Variants in VTI1B observed in about 807,000 individuals in gnomAD.
The protein encoded by VTI1B is vesicle transport through interaction with t-SNAREs 1B, also known as vesicle transport through interaction with t-SNAREs homolog 1B.
A neutral mutation model predicts 28.6 loss-of-function variants in VTI1B; 18 were observed. That is an observed-to-expected ratio of 0.63 (90% CI 0.43 to 0.93). The LOEUF (loss-of-function observed/expected upper bound fraction) is 0.93, where lower values mean the gene tolerates loss of function less well. Among genes scored for constraint, VTI1B ranks in the 40% least tolerant of loss-of-function variants. The pLI is 0.00. For synonymous variants in VTI1B, 100 were observed against 107.9 expected (o/e 0.93, Z 0.46); for missense variants, 283 against 297.0 (o/e 0.95, Z 0.35).
intron 3 of VTI1B, chr14:67,657,308 GC>G (rs2037271065): frequency 1.3e-5 from 2 of 152,138 alleles, no homozygotes; most frequent in African/African-American, 2.4e-5. Flanking sequence ...CTCTTGGTGA[GC>G]CCCAGAAAGA....
In VTI1B at chr14:67,650,895, A is replaced by G. The variant is rs959383754; in HGVS notation, c.*490T>C. On this transcript the variant is annotated 3_prime_UTR_variant, in exon 6 of 6. Transcript: ENST00000554659. Reference sequence around the variant, plus strand: ...ACTCCCAGTTCACCAGATGAATCAGAAAATCAAGCACGTGTGAGAATTTAG... The same window carrying G: ...ACTCCCAGTTCACCAGATGAATCAGGAAATCAAGCACGTGTGAGAATTTAG... 1.2e-6 allele frequency: 2 copies of G among 1,613,996 alleles called. No individual in the cohort carries two copies. The highest frequency in any genetic ancestry group is 1.7e-6 in the Non-Finnish European group (2 of 1,179,988).
At chr14:67,665,480 G>A (rs1250377019) in intron 1 of VTI1B, among the ~76,000 whole-genome samples, 1 of 151,832 alleles carries the variant, frequency 6.6e-6, no homozygotes, top group Non-Finnish European at 1.5e-5. Context: ...TGTTGCCTAA[G>A]CTGGTCTTGA....
In VTI1B at chr14:67,650,499, A is replaced by G. The variant is rs2037158504; in HGVS notation, c.*886T>C. 1.7e-6 allele frequency: 1 copy of G among 575,374 alleles called. No individual in the cohort carries two copies. The highest frequency in any genetic ancestry group is 1.9e-5 in the African/African-American group (1 of 53,474). The allele number at this position is 575,374 out of a possible 1,614,324, so 35.6% of individuals were successfully genotyped here. ...AGGGATGGTTTATTTCATTATCTTA[A>G]AAGGTTTCTTTTAATCTACTATAGC... On this transcript the variant is annotated 3_prime_UTR_variant, in exon 6 of 6. Transcript: ENST00000554659.
intron 2 of VTI1B, among the ~76,000 whole-genome samples, chr14:67,661,732 C>A (rs1380250737): frequency 6.6e-6 from 1 of 151,872 alleles, no homozygotes; most frequent in South Asian, 2.1e-4. Flanking sequence ...GGGGGTCTCC[C>A]TATGTCGCCC....
intron 1 of VTI1B, among the ~76,000 whole-genome samples, chr14:67,667,364 C>T (rs1047946284): frequency 6.6e-6 from 1 of 152,122 alleles, no homozygotes; most frequent in Non-Finnish European, 1.5e-5. Flanking sequence ...GGAGGACTTA[C>T]ACCCTTTATT....
intron 1 of VTI1B, among the ~76,000 whole-genome samples, chr14:67,668,220 T>A (rs2037425083): frequency 6.6e-6 from 1 of 152,212 alleles, no homozygotes; most frequent in South Asian, 2.1e-4. Context: ...CCACAGGCAT[T>A]TAACATTGAT....
At position 67,650,838 on chromosome 14, in the gene VTI1B, AAGG is replaced by A. The variant is rs1241041022; in HGVS notation, c.*544_*546del. The A allele has an allele frequency of 6.2e-7, 1 of 1,614,126 alleles. No homozygotes were observed. The highest frequency in any genetic ancestry group is 1.1e-5 in the South Asian group (1 of 91,086). On this transcript the variant is annotated 3_prime_UTR_variant, in exon 6 of 6. Transcript: ENST00000554659. ...GCTTCAAGCTTTGGTCAGACAAGAG[AAGG>A]AGGGCATATTGTCTATGACCAACTT...
intron 1 of VTI1B, among the ~76,000 whole-genome samples, chr14:67,671,760 C>G (rs1269335665): frequency 6.6e-6 from 1 of 152,094 alleles, no homozygotes; most frequent in Admixed American, 6.5e-5. Context: ...CTTTCAAGGG[C>G]CTTCTTGCTA....
At chr14:67,663,247 T>C in intron 1 of VTI1B, 2 of 1,218,678 alleles carry the variant, frequency 1.6e-6, no homozygotes, top group Non-Finnish European at 2.3e-6. Flanking sequence ...ACTAAAACAG[T>C]ATTGTCTTAA....
chr14:67,656,345 G>A (rs921149378), intron 4 of VTI1B, 71 bp downstream of exon 4: 69 of 1,424,268 alleles, frequency 4.8e-5, no homozygotes, highest in Non-Finnish European at 6.3e-5. Context: ...TTTGGCCTTA[G>A]TACGGTTTCC....
chr14:67,672,385 C>T (rs1202775593), intron 1 of VTI1B, among the ~76,000 whole-genome samples: 2 of 151,726 alleles, frequency 1.3e-5, no homozygotes, highest in African/African-American at 2.4e-5. Flanking sequence ...TCCCCAAGTG[C>T]TGGGATTACA....
chr14:67,662,920 A>C (rs1007990327), intron 1 of VTI1B: 14 of 1,273,284 alleles, frequency 1.1e-5, no homozygotes, highest in Non-Finnish European at 5.9e-6. Flanking sequence ...AAAAAAAAAA[A>C]AGAATGTTTA....
intron 4 of VTI1B, 24 bp downstream of exon 4, chr14:67,656,392 C>T: frequency 6.4e-7 from 1 of 1,562,212 alleles, no homozygotes; most frequent in Non-Finnish European, 8.7e-7. Flanking sequence ...ATACTTGCCC[C>T]TTTCCCTGTC....
In VTI1B at chr14:67,649,926, G is replaced by GC. The variant is rs1377659414; in HGVS notation, c.*1458dup. ...AGAAGTGAGGCATTTAGAGGGGTGA[G>GC]CATAGTAGCAGGTCTGGATAGGTTC... On this transcript the variant is annotated 3_prime_UTR_variant, in exon 6 of 6. Transcript: ENST00000554659. 1.3e-5 allele frequency: 2 copies of GC among 152,144 alleles called. No homozygotes were observed. Among genetic ancestry groups the GC allele is most frequent in the Non-Finnish European group, 2.9e-5 (2 of 68,054 alleles). 9.4% of individuals were successfully genotyped at this position (152,144 alleles called of 1,614,324 possible).
chr14:67,657,784 T>A (rs2037282146), intron 3 of VTI1B, among the ~76,000 whole-genome samples: 1 of 150,778 alleles, frequency 6.6e-6, no homozygotes, highest in Non-Finnish European at 1.5e-5. Context: ...AGTCTCGCTC[T>A]GTCGCCCGGG....
intron 1 of VTI1B, among the ~76,000 whole-genome samples, chr14:67,666,127 C>T (rs1438940948): frequency 6.6e-6 from 1 of 152,204 alleles, no homozygotes; most frequent in African/African-American, 2.4e-5. Flanking sequence ...ACTCCTGATC[C>T]AAGCCAGACA....
chr14:67,670,874 C>A (rs1463843587), intron 1 of VTI1B, among the ~76,000 whole-genome samples: 1 of 152,160 alleles, frequency 6.6e-6, no homozygotes, highest in Admixed American at 6.6e-5. Context: ...AGAGCCTAGA[C>A]AGTGGCTGAT....
intron 1 of VTI1B, among the ~76,000 whole-genome samples, chr14:67,669,226 A>C (rs1377396169): frequency 6.6e-6 from 1 of 152,030 alleles, no homozygotes; most frequent in Non-Finnish European, 1.5e-5. Flanking sequence ...TCTTGCTGTT[A>C]AATATTATAC....
At chr14:67,655,660 T>C (rs1463157801) in intron 4 of VTI1B, among the ~76,000 whole-genome samples, 1 of 152,196 alleles carries the variant, frequency 6.6e-6, no homozygotes, top group Non-Finnish European at 1.5e-5. Context: ...AATAACAGGA[T>C]ATAAGCAGAT....
Sources: allele counts gnomAD v4.1 joint callset (sites outside exome capture counted in the v4.1 genomes callset), GRCh38; gene constraint gnomAD v4.1.1; transcripts MANE v1.5; gene names NCBI Gene and HGNC (gene_info 2026-07-23, HGNC 2026-07-21).